The following SYT1 variants were observed in gnomAD, a reference collection of about 807,000 sequenced individuals.
SYT1 encodes synaptotagmin 1, also known as synaptotagmin-1.
A neutral mutation model predicts 44.8 loss-of-function variants in SYT1; 8 were observed. The observed-to-expected ratio is 0.18, with a 90% CI of 0.10 to 0.32. The LOEUF (loss-of-function observed/expected upper bound fraction) is 0.32. SYT1 is among the 10% of genes least tolerant of loss of function. The pLI is 1.00. For synonymous variants in SYT1, 154 were observed against 188.8 expected (o/e 0.82, Z 1.51); for missense variants, 286 against 509.3 (o/e 0.56, Z 4.22).
chr12:79,040,715 T>A (rs1333032963), intron 2 of SYT1, among the ~76,000 whole-genome samples: 1 of 152,340 alleles, frequency 6.6e-6, no homozygotes, highest in Non-Finnish European at 1.5e-5. Flanking sequence ...ATGTACTGAA[T>A]GGTAATGCCT....
chr12:78,979,572 A>G (rs1179780371), intron 2 of SYT1, among the ~76,000 whole-genome samples: 5 of 152,152 alleles, frequency 3.3e-5, no homozygotes, highest in Non-Finnish European at 7.4e-5. Flanking sequence ...TGTATAACTG[A>G]TATGAAAAAT....
At chr12:79,307,162 C>T (rs543436110) in intron 8 of SYT1, among the ~76,000 whole-genome samples, 2 of 152,266 alleles carry the variant, frequency 1.3e-5, no homozygotes, top group South Asian at 4.2e-4. Flanking sequence ...ATCTGTTACT[C>T]TGCAATTAGA....
At chr12:79,123,403 A>C (rs1200724209) in intron 3 of SYT1, among the ~76,000 whole-genome samples, 1 of 151,880 alleles carries the variant, frequency 6.6e-6, no homozygotes, top group Non-Finnish European at 1.5e-5. Context: ...GAAACAAAAT[A>C]GGTAACTATG....
At chr12:79,170,044 C>A (rs929345554) in intron 3 of SYT1, among the ~76,000 whole-genome samples, 1 of 152,202 alleles carries the variant, frequency 6.6e-6, no homozygotes, top group Admixed American at 6.5e-5. Context: ...TTTTTTATGG[C>A]TACATAGTAT....
chr12:78,945,633 A>C (rs143417804), intron 1 of SYT1, among the ~76,000 whole-genome samples: 1,704 of 152,250 alleles, frequency 0.011, 17 homozygotes, highest in Middle Eastern at 0.058. Flanking sequence ...TCCTTGAATC[A>C]TCAGTCTTTG....
At chr12:79,389,017 A>G (rs868335653) in intron 9 of SYT1, among the ~76,000 whole-genome samples, 1 of 152,198 alleles carries the variant, frequency 6.6e-6, no homozygotes, top group African/African-American at 2.4e-5. Flanking sequence ...TTGTTATCCC[A>G]TGATGTTTAG....
At chr12:79,366,187 A>G (rs1883536077) in intron 9 of SYT1, among the ~76,000 whole-genome samples, 1 of 152,238 alleles carries the variant, frequency 6.6e-6, no homozygotes, top group Non-Finnish European at 1.5e-5. Flanking sequence ...GGGCAATAAT[A>G]TATCACAGTA....
intron 1 of SYT1, among the ~76,000 whole-genome samples, chr12:78,940,454 A>G (rs1170321593): frequency 6.6e-6 from 1 of 152,260 alleles, no homozygotes; most frequent in Non-Finnish European, 1.5e-5. Context: ...CAGTGGCCCA[A>G]TCATGGCTTG....
chr12:79,427,418 T>C (rs1463946759), intron 9 of SYT1, among the ~76,000 whole-genome samples: 1 of 152,220 alleles, frequency 6.6e-6, no homozygotes, highest in African/African-American at 2.4e-5. Context: ...AAAAACCATG[T>C]ATTCATTAAA....
chr12:78,875,159 ATATAT>A (rs1464500546), intron 1 of SYT1, among the ~76,000 whole-genome samples: 4 of 151,650 alleles, frequency 2.6e-5, no homozygotes, highest in African/African-American at 9.7e-5. Context: ...ATTTGTACAA[ATATAT>A]TATACATTTT....
intron 2 of SYT1, among the ~76,000 whole-genome samples, chr12:79,038,926 A>G (rs932551591): frequency 1.3e-5 from 2 of 152,060 alleles, no homozygotes; most frequent in Non-Finnish European, 2.9e-5. Context: ...GGATGTAAAT[A>G]TGAGTTGTCA....
chr12:78,895,217 T>G (rs1412375953), intron 1 of SYT1, among the ~76,000 whole-genome samples: 1 of 151,508 alleles, frequency 6.6e-6, no homozygotes, highest in Non-Finnish European at 1.5e-5. Context: ...TATAAAATTA[T>G]TTTGAATACA....
At chr12:79,164,395 G>A (rs755221122) in intron 3 of SYT1, among the ~76,000 whole-genome samples, 5 of 152,024 alleles carry the variant, frequency 3.3e-5, no homozygotes, top group Admixed American at 6.6e-5. Flanking sequence ...AAAAAATGTT[G>A]CAAGAAGTTG....
chr12:79,249,678 G>T (rs949708693), intron 4 of SYT1, among the ~76,000 whole-genome samples: 7 of 152,190 alleles, frequency 4.6e-5, no homozygotes, highest in African/African-American at 1.7e-4. Flanking sequence ...AACCAAGCAG[G>T]TAATGTGGCA....
At chr12:79,230,536 T>A (rs1875809268) in intron 4 of SYT1, among the ~76,000 whole-genome samples, 1 of 152,010 alleles carries the variant, frequency 6.6e-6, no homozygotes, top group South Asian at 2.1e-4. Context: ...AAAATATTTG[T>A]TATGAACTGG....
intron 3 of SYT1, among the ~76,000 whole-genome samples, chr12:79,142,164 C>T (rs1166507011): frequency 6.6e-6 from 1 of 152,172 alleles, no homozygotes; most frequent in Non-Finnish European, 1.5e-5. Context: ...GATTAACGCA[C>T]AGACATTGCA....
At chr12:79,222,814 TCTGA>T (rs930357757) in intron 4 of SYT1, among the ~76,000 whole-genome samples, 14 of 152,308 alleles carry the variant, frequency 9.2e-5, no homozygotes, top group Middle Eastern at 3.4e-3. Flanking sequence ...TTTTTTCTTC[TCTGA>T]CTATTTTTAA....
At chr12:79,211,710 G>A (rs1322394936) in intron 3 of SYT1, among the ~76,000 whole-genome samples, 2 of 150,886 alleles carry the variant, frequency 1.3e-5, no homozygotes, top group East Asian at 4.0e-4. Flanking sequence ...TTGTTCTTGT[G>A]ATAGTTTACT....
In SYT1 at chr12:79,353,609, T is replaced by A; in HGVS notation, c.918T>A (p.Gly306=). The change falls in exon 9 of 11, where the codon GGT becomes GGA. Residue 306 remains glycine (G), a synonymous_variant. Transcript: ENST00000261205. ...AGAACCTGAAGAAGATGGATGTGGG[T>A]GGCTTATCCGGTAAGCCTGCAGTGT... ...EAKNLKKMDV[G]GLSDPYVKIH... 6.2e-7 allele frequency: 1 copy of A among 1,613,478 alleles called. No homozygotes were observed.
Sources: gnomAD v4.1 joint callset for allele counts (sites outside exome capture counted in the v4.1 genomes callset) on GRCh38, gnomAD v4.1.1 for gene constraint, MANE v1.5 for transcripts, NCBI Gene and HGNC (gene_info 2026-07-23, HGNC 2026-07-21) for gene names.